RAP1GAP: variants seen among roughly 807,000 people sequenced by gnomAD.
The protein encoded by RAP1GAP is RAP1 GTPase activating protein.
RAP1GAP carries 35 observed loss-of-function variants against 87.2 expected under a neutral mutation model. That is an observed-to-expected ratio of 0.40 (90% CI 0.31 to 0.53). The LOEUF (loss-of-function observed/expected upper bound fraction) is 0.53, where lower values mean the gene tolerates loss of function less well. Ranked by LOEUF, RAP1GAP falls within the 20% of genes least tolerant of loss-of-function variation. The pLI is 0.48. For synonymous variants in RAP1GAP, 375 were observed against 363.9 expected (o/e 1.03, Z -0.35); for missense variants, 734 against 898.9 (o/e 0.82, Z 2.35).
In RAP1GAP at chr1:21,611,065, C is replaced by T. The variant is rs538448263; in HGVS notation, c.843+387G>A. On this transcript the variant is annotated intron_variant, in intron 13 of 24. Transcript: ENST00000374765. ...TCCCTTCCTTCTCCCAGCTCCTTCA[C>T]GGACTAAAAGTCACTTTCTCTTGAA... 8.5e-5 allele frequency among the ~76,000 whole-genome samples: 13 copies of T among 152,284 alleles called. No homozygotes were observed. The South Asian group carries it at 1.4e-3, about 17-fold the overall frequency.
At position 21,601,814 on chromosome 1, in the gene RAP1GAP, G is replaced by C. The variant is rs765073114; in HGVS notation, c.1539-17C>G. On this transcript the variant is annotated splice_polypyrimidine_tract_variant and intron_variant, in intron 19 of 24. Transcript: ENST00000374765. ...GGGCTCTCCCTGCGGGGCACACGGG[G>C]GCAGCGGGGGGATTCAGCACCAGGC... is the stretch of plus-strand genomic sequence containing the variant. 1 of 1,552,116 alleles carries C rather than the reference G, an allele frequency of 6.4e-7. No homozygotes were observed. Among genetic ancestry groups the C allele is most frequent in the South Asian group, 1.1e-5 (1 of 87,228 alleles).
chr1:21,608,844 C>T lies in RAP1GAP; in HGVS notation c.1158+6G>A, dbSNP rs1164911475. 1 of 1,612,402 alleles carries T rather than the reference C, an allele frequency of 6.2e-7. No individual in the cohort carries two copies. The highest frequency in any genetic ancestry group is 8.5e-7 in the Non-Finnish European group (1 of 1,178,584). ...GGGTCACCCAGCCCTCACAGCCCAT[C>T]CTCACCTCCAGTTTGGCAAACTTCT... On this transcript the variant is annotated splice_donor_region_variant and intron_variant, in intron 16 of 24. Coordinates refer to ENST00000374765, the MANE Select transcript of RAP1GAP (RefSeq NM_002885.4).
At chr1:21,600,353 C>G (rs948081433) in intron 20 of RAP1GAP, among the ~76,000 whole-genome samples, 2 of 152,192 alleles carry the variant, frequency 1.3e-5, no homozygotes, top group Admixed American at 1.3e-4. Flanking sequence ...CCTTTCCTGC[C>G]TCTCTGTTCA....
Position 21,613,674 on chromosome 1 carries a change from G to A in RAP1GAP, c.428C>T (p.Pro143Leu), listed in dbSNP as rs1333302752. ...AGGGAACTCGGTGAGGCAGGAGATGGGGATGACATCATGGTATGTCCGGCA... is the reference window on the plus strand; with the variant it reads ...AGGGAACTCGGTGAGGCAGGAGATGAGGATGACATCATGGTATGTCCGGCA... The part of the protein sequence containing the change: ...TKCRTYHDVI[P>L]ISCLTEFPNV... Residue 143 changes from proline (P) to leucine (L), a missense_variant, in exon 9 of 25, where the codon CCC becomes CTC. By Grantham distance (98) the Pro-to-Leu change is moderately conservative. This residue lies in a region of RAP1GAP where 485 missense variants were observed against 646.2 expected (regional missense o/e 0.75). Transcript: ENST00000374765. The surrounding 1 kb of genome is among the most constrained non-coding windows in gnomAD (Gnocchi z 4.7). 1.9e-6 allele frequency: 3 copies of A among 1,613,550 alleles called. No homozygotes were observed. The highest frequency in any genetic ancestry group is 2.5e-6 in the Non-Finnish European group (3 of 1,179,804).
At chr1:21,618,122 G>T in intron 5 of RAP1GAP, 150 bp from the exon 6 acceptor site, 2 of 898,058 alleles carry the variant, frequency 2.2e-6, no homozygotes, top group Non-Finnish European at 3.6e-6. Flanking sequence ...GCTGAGGCAG[G>T]CTTAGCGTGC....
chr1:21,665,969 C>G (rs2097331205), intron 1 of RAP1GAP, among the ~76,000 whole-genome samples: 1 of 152,248 alleles, frequency 6.6e-6, no homozygotes, highest in Admixed American at 6.5e-5. Context: ...CCCAGCCAGG[C>G]TGAGCTGCCT....
At position 21,642,083 on chromosome 1, in the gene RAP1GAP, A is replaced by G. The variant is rs189590348; in HGVS notation, c.-113+7678T>C. Among the ~76,000 whole-genome samples, 5 of 152,330 alleles carry G rather than the reference A, an allele frequency of 3.3e-5. No homozygotes were observed. In the South Asian group the frequency reaches 6.2e-4, roughly 19 times the overall value. The stretch of plus-strand genomic sequence containing the variant: ...GGCTCAGCAAGGTGACGGACTCCTC[A>G]AGGTCACTGGCCAGGACCTGGCACC... On this transcript the variant is annotated intron_variant, in intron 2 of 24. Coordinates refer to ENST00000374765, the MANE Select transcript of RAP1GAP (RefSeq NM_002885.4).
intron 1 of RAP1GAP, chr1:21,651,466 C>T (rs370201036): frequency 1.4e-4 from 88 of 607,032 alleles, no homozygotes; most frequent in Middle Eastern, 1.1e-3. Flanking sequence ...GCCCCGCAGC[C>T]CCAGTCACAT....
At chr1:21,640,962 C>T (rs559426364) in intron 2 of RAP1GAP, among the ~76,000 whole-genome samples, 5 of 151,934 alleles carry the variant, frequency 3.3e-5, no homozygotes, top group South Asian at 2.1e-4. Context: ...GGCTGGAGTG[C>T]GGTGGTGTGA....
In RAP1GAP at chr1:21,617,297, G is replaced by C. The variant is rs1037956576; in HGVS notation, c.291+9C>G. The C allele has an allele frequency of 3.2e-6, 5 of 1,560,796 alleles. No homozygotes were observed. In the African/African-American group the frequency reaches 6.8e-5, roughly 21 times the overall value. ...CCAGCCAGCCCCGCTGCACCAGCCGGCCACCCACCTTGCCGAGAAAGTGCT... is the reference window on the plus strand; with the variant it reads ...CCAGCCAGCCCCGCTGCACCAGCCGCCCACCCACCTTGCCGAGAAAGTGCT... On this transcript the variant is annotated intron_variant, in intron 7 of 24. Transcript: ENST00000374765.
intron 2 of RAP1GAP, among the ~76,000 whole-genome samples, chr1:21,646,231 A>C (rs1471930795): frequency 6.6e-6 from 1 of 152,170 alleles, no homozygotes. Context: ...ACATCTCAGC[A>C]CCCAGATGGG....
chr1:21,656,580 G>T (rs2152218136), intron 1 of RAP1GAP, among the ~76,000 whole-genome samples: 1 of 152,284 alleles, frequency 6.6e-6, no homozygotes, highest in South Asian at 2.1e-4. Context: ...GAAGCTTCTG[G>T]AAAAAGAGTC....
chr1:21,649,435 G>A (rs180806890), intron 2 of RAP1GAP, among the ~76,000 whole-genome samples: 2 of 152,236 alleles, frequency 1.3e-5, no homozygotes, highest in Middle Eastern at 3.4e-3. Context: ...TTTTGGTTTT[G>A]TTCTTTTTAC....
intron 13 of RAP1GAP, among the ~76,000 whole-genome samples, chr1:21,610,510 C>T (rs966444502): frequency 2.0e-5 from 3 of 152,332 alleles, no homozygotes; most frequent in African/African-American, 7.2e-5. Flanking sequence ...TCCCAGACCT[C>T]ACCACTATTC....
intron 2 of RAP1GAP, among the ~76,000 whole-genome samples, chr1:21,644,323 C>T (rs2095821270): frequency 6.6e-6 from 1 of 152,166 alleles, no homozygotes; most frequent in Admixed American, 6.5e-5. Context: ...CTTTCCAGGA[C>T]TCCTTCATTT....
chr1:21,621,456 T>C (rs917880822), intron 3 of RAP1GAP, among the ~76,000 whole-genome samples: 5 of 152,150 alleles, frequency 3.3e-5, no homozygotes, highest in Non-Finnish European at 5.9e-5. Context: ...CACAAGCCCA[T>C]ATAAATGTGC....
intron 2 of RAP1GAP, among the ~76,000 whole-genome samples, chr1:21,639,980 TC>T (rs1290221629): frequency 6.6e-6 from 1 of 152,046 alleles, no homozygotes; most frequent in Non-Finnish European, 1.5e-5. Context: ...CCCAATGGCT[TC>T]CCGCCGCAAG....
chr1:21,631,821 G>A (rs1186472617), intron 2 of RAP1GAP, among the ~76,000 whole-genome samples: 2 of 152,248 alleles, frequency 1.3e-5, no homozygotes, highest in Non-Finnish European at 2.9e-5. Flanking sequence ...GGGCAGGGCT[G>A]AGATGTGACT....
chr1:21,630,220 C>A (rs1214282877), intron 2 of RAP1GAP, among the ~76,000 whole-genome samples: 1 of 152,054 alleles, frequency 6.6e-6, no homozygotes, highest in African/African-American at 2.4e-5. Flanking sequence ...ATACCACTGA[C>A]ACTTAGTAAA....
Sources: gnomAD v4.1 joint callset for allele counts (sites outside exome capture counted in the v4.1 genomes callset) on GRCh38, gnomAD v4.1.1 for gene constraint, gnomAD v4.1.1 regional missense constraint, Gnocchi (gnomAD v3.1) non-coding constraint, MANE v1.5 for transcripts, NCBI Gene and HGNC (gene_info 2026-07-23, HGNC 2026-07-21) for gene names.